The following CCDC78 variants were observed in gnomAD, a reference collection of about 807,000 sequenced individuals.
CCDC78 encodes the protein coiled-coil domain-containing protein 78.
Under a neutral mutation model 61.9 loss-of-function variants are expected in CCDC78, and 78 were observed. That is an observed-to-expected ratio of 1.26 (90% confidence interval 1.05 to 1.52). The LOEUF is 1.52. Among genes scored for constraint, CCDC78 ranks in the 40% most tolerant of loss-of-function variants. CCDC78 has a pLI of 0.00. For synonymous variants in CCDC78, 287 were observed against 251.9 expected (o/e 1.14, Z -1.32); for missense variants, 737 against 615.5 (o/e 1.20, Z -2.09).
intron 11 of CCDC78, 38 bp from the exon 12 acceptor site, chr16:723,199 C>A: frequency 1.2e-6 from 2 of 1,603,992 alleles, no homozygotes; most frequent in Non-Finnish European, 1.7e-6. Flanking sequence ...GTTTTGAGAG[C>A]TGGCATGGTG....
Position 724,297 on chromosome 16 carries a change from C to T in CCDC78, c.953+25G>A, listed in dbSNP as rs1411566569. On this transcript the variant is annotated intron_variant, in intron 9 of 13. Coordinates refer to ENST00000345165, the MANE Select transcript of CCDC78 (RefSeq NM_001378030.1). ...GGCTTAGAGACCCACAGATGCCTGA[C>T]ACCTCCCATCCCAGCGGGGCCCACC... 2.5e-6 allele frequency: 4 copies of T among 1,602,770 alleles called. No homozygotes were observed. In the African/African-American group the frequency reaches 4.0e-5, roughly 16 times the overall value.
In CCDC78 at chr16:722,654, C is replaced by G. The variant is rs770638452; in HGVS notation, c.*24G>C. 13 of 1,601,414 alleles carry G rather than the reference C, an allele frequency of 8.1e-6. No homozygotes were observed. Among genetic ancestry groups the G allele is most frequent in the Non-Finnish European group, 1.1e-5 (13 of 1,178,754 alleles). On this transcript the variant is annotated 3_prime_UTR_variant, in exon 14 of 14. Coordinates refer to ENST00000345165, the MANE Select transcript of CCDC78 (RefSeq NM_001378030.1). ...TCTGTGCTGGCTGAGGAGCTCTGCT[C>G]TGCTCTGCTCCTTGGGAGACGGCCT...
At chr16:723,830 C>G in intron 11 of CCDC78, 27 bp downstream of exon 11, 1 of 1,555,352 alleles carries the variant, frequency 6.4e-7, no homozygotes, top group Middle Eastern at 1.7e-4. Context: ...CCCCACAGGC[C>G]TCCCCCACAC....
Position 726,308 on chromosome 16 carries a change from A to AT in CCDC78, c.59dup (p.Asn20LysfsTer36). 1 of 1,548,300 alleles carries AT rather than the reference A, an allele frequency of 6.5e-7. No individual in the cohort carries two copies. Among genetic ancestry groups the AT allele is most frequent in the Non-Finnish European group, 8.7e-7 (1 of 1,146,650 alleles). On this transcript the variant is annotated frameshift_variant and splice_region_variant, in exon 1 of 14. Transcript: ENST00000345165. LOFTEE classifies it high-confidence loss of function. ...GAGCGGCAAGTCCCAGAGGACTCAC[A>AT]TTCTCCACCCGCCGAGAGGGAGGTC...
rs2040385803 is a variant in CCDC78, at chr16:723,113, G to A, written c.1182C>T (p.Asp394=). 1 of 1,612,606 alleles carries A rather than the reference G, an allele frequency of 6.2e-7. No homozygotes were observed. The highest frequency in any genetic ancestry group is 1.3e-5 in the African/African-American group (1 of 74,952). The change falls in exon 12 of 14, where the codon GAC becomes GAT. Residue 394 remains aspartate (D), a synonymous_variant. Transcript: ENST00000345165. ...CTCCTACCTGGGTGCTGCGGGAGAA[G>A]TCCCGGAGCTTCTGGTGGATCTGGG... ...SWAQIHQKLR[D]FSRSTQAELE...
Position 722,961 on chromosome 16 carries a change from A to G in CCDC78, c.1262T>C (p.Leu421Pro). 6.2e-7 allele frequency: 1 copy of G among 1,612,380 alleles called. No individual in the cohort carries two copies. The part of the protein sequence containing the change: ...LVRATMAEEQ[L>P]SELQEYVDQH... ...GTCCACGTACTCCTGTAGCTCAGAA[A>G]GTTGCTCTTCAGCCATCGTGGCCCG... Residue 421 changes from leucine (L) to proline (P), a missense_variant, in exon 13 of 14, where the codon CTT becomes CCT. By Grantham distance (98) the Leu-to-Pro change is moderately conservative. Coordinates refer to ENST00000345165, the MANE Select transcript of CCDC78 (RefSeq NM_001378030.1).
chr16:724,169 G>A lies in CCDC78; in HGVS notation c.990C>T (p.Ala330=), dbSNP rs2040586772. 1.2e-6 allele frequency: 2 copies of A among 1,604,818 alleles called. No individual in the cohort carries two copies. Among genetic ancestry groups the A allele is most frequent in the African/African-American group, 1.3e-5 (1 of 74,668 alleles). The change falls in exon 10 of 14, where the codon GCC becomes GCT. Residue 330 remains alanine, a synonymous_variant. Transcript: ENST00000345165. ...CGGGCAATGGTTCCAGGTCCAAGCT[G>A]GCTATGTCAAAAATAGCTTGGGGGT... ...PGNPQAIFDI[A]SLDLEPLPVP...
chr16:722,735 C>T lies in CCDC78; in HGVS notation c.1356G>A (p.Trp452Ter), dbSNP rs757527717. ...TGGCTGGAGGCACAGCCCCCACTTT[C>T]CAGGGGTCCCCTGCACCTGCCAGCT... ...LRKLAGAGDP[W>*]KVGAVPPAKP... Residue 452 changes from tryptophan to a stop codon, truncating the protein, a stop_gained, in exon 14 of 14, where the codon TGG (tryptophan) becomes TGA (stop). Transcript: ENST00000345165. LOFTEE classifies it low-confidence loss of function (END_TRUNC). The T allele has an allele frequency of 3.1e-6, 5 of 1,611,750 alleles. No homozygotes were observed. The highest frequency in any genetic ancestry group is 4.2e-6 in the Non-Finnish European group (5 of 1,179,940).
At position 722,614 on chromosome 16, in the gene CCDC78, G is replaced by A; in HGVS notation, c.*64C>T. On this transcript the variant is annotated 3_prime_UTR_variant, in exon 14 of 14. Transcript: ENST00000345165. ...TATCCTGACTCATGTTTTATGGGGG[G>A]CTGGGTGGGAGGGTTCTGTGCTGGC... 1 of 1,582,892 alleles carries A rather than the reference G, an allele frequency of 6.3e-7. No individual in the cohort carries two copies.
chr16:723,626 G>C (rs760878264), intron 11 of CCDC78: 14 of 695,704 alleles, frequency 2.0e-5, no homozygotes, highest in South Asian at 1.6e-4. Context: ...CTGATCCTCC[G>C]TGTTCAAGGC....
intron 4 of CCDC78, 57 bp downstream of exon 4, chr16:725,356 C>T (rs1444084700): frequency 7.4e-6 from 12 of 1,611,450 alleles, no homozygotes; most frequent in African/African-American, 1.3e-5. Flanking sequence ...ACTGAGGCCC[C>T]TGCTGAGGCT....
chr16:726,676 G>A, upstream of CCDC78: 1 of 502,356 alleles, frequency 2.0e-6, no homozygotes. Context: ...ACGAGCACGC[G>A]GAACGGAGCG....
At position 722,792 on chromosome 16, in the gene CCDC78, G is replaced by A. The variant is rs751984462; in HGVS notation, c.1302-3C>T. On this transcript the variant is annotated splice_polypyrimidine_tract_variant and splice_region_variant and intron_variant, in intron 13 of 13. Coordinates refer to ENST00000345165, the MANE Select transcript of CCDC78 (RefSeq NM_001378030.1). ...GCCTCAGGATTTCGTGCTTGTACCT[G>A]CTCAGAGGAACCATGCTTAAGTGAC... 5.6e-6 allele frequency: 9 copies of A among 1,612,530 alleles called. No individual in the cohort carries two copies. The South Asian group carries it at 9.9e-5, about 18-fold the overall frequency.
At chr16:725,169 G>A (rs760527871) in intron 5 of CCDC78, 24 bp from the exon 6 acceptor site, 7 of 1,612,516 alleles carry the variant, frequency 4.3e-6, no homozygotes, top group Admixed American at 1.7e-5. Flanking sequence ...AGGGCTGGCT[G>A]GATGAGACCC....
chr16:723,878 TG>T lies in CCDC78; in HGVS notation c.1111del (p.Gln371ArgfsTer70). The T allele has an allele frequency of 6.3e-7, 1 of 1,596,064 alleles. No homozygotes were observed. On this transcript the variant is annotated frameshift_variant, in exon 11 of 14. Coordinates refer to ENST00000345165, the MANE Select transcript of CCDC78 (RefSeq NM_001378030.1). LOFTEE classifies it high-confidence loss of function. ...TCACTGTGGCTCTGATGTTCCCCCC[TG>T]GGAGGCTCCACCGGGTCTCTTTTTT... Reference protein sequence around the residue: ...SPKKRPGGASQGGTSEPQGLD... With the variant: ...SPKKRPGGASXGGTSEPQGLD...
At chr16:723,317 C>CG (rs1435551001) in intron 11 of CCDC78, 156 bp from the exon 12 acceptor site, 3 of 829,910 alleles carry the variant, frequency 3.6e-6, no homozygotes, top group Admixed American at 4.0e-5. Context: ...TGTGGCGCCC[C>CG]CCCCAGGCCT....
In CCDC78 at chr16:722,927, C is replaced by G. The variant is rs770686722; in HGVS notation, c.1296G>C (p.Leu432=). ...ACCCAGCTCCCTCTGCCCACCTGCCCAGGTGCTGGTCCACGTACTCCTGTA... is the reference window on the plus strand; with the variant it reads ...ACCCAGCTCCCTCTGCCCACCTGCCGAGGTGCTGGTCCACGTACTCCTGTA... ...SELQEYVDQH[L]GRYKHEILRL... Residue 432 remains leucine, a synonymous_variant, in exon 13 of 14, where the codon CTG becomes CTC. Coordinates refer to ENST00000345165, the MANE Select transcript of CCDC78 (RefSeq NM_001378030.1). 2 of 1,612,226 alleles carry G rather than the reference C, an allele frequency of 1.2e-6. No individual in the cohort carries two copies. Among genetic ancestry groups the G allele is most frequent in the East Asian group, 2.2e-5 (1 of 44,882 alleles).
At chr16:724,543 A>AC in intron 8 of CCDC78, 34 bp from the exon 9 acceptor site, 7 of 1,521,952 alleles carry the variant, frequency 4.6e-6, no homozygotes, top group South Asian at 1.1e-5. Flanking sequence ...CATGGGGCCC[A>AC]CCCCCCATCT....
Position 724,451 on chromosome 16 carries a change from T to A in CCDC78, c.824A>T (p.Glu275Val). Residue 275 changes from glutamate (E) to valine (V), a missense_variant, in exon 9 of 14, where the codon GAG (glutamate) becomes GTG (valine). Coordinates refer to ENST00000345165, the MANE Select transcript of CCDC78 (RefSeq NM_001378030.1). ...PATTALRTFL[E>V]ATLEDIRAAH... ...TGCCCGGATGTCCTCCAGAGTCGCC[T>A]CCAGGAATGTCCGGAGGGCCGTGGT... is the stretch of plus-strand genomic sequence containing the variant. 6.2e-7 allele frequency: 1 copy of A among 1,603,872 alleles called. No individual in the cohort carries two copies. The highest frequency in any genetic ancestry group is 8.5e-7 in the Non-Finnish European group (1 of 1,179,762).
Sources: gnomAD v4.1 joint callset for allele counts on GRCh38, gnomAD v4.1.1 for gene constraint, MANE v1.5 for transcripts, NCBI Gene and HGNC (gene_info 2026-07-23, HGNC 2026-07-21) for gene names.